DPP6: variants seen among roughly 807,000 people sequenced by gnomAD.
DPP6 encodes dipeptidyl peptidase like 6, also known as A-type potassium channel modulatory protein DPP6.
A neutral mutation model predicts 122.6 loss-of-function variants in DPP6; 69 were observed. The ratio of observed to expected loss-of-function variants is 0.56; its 90% confidence interval spans 0.46 to 0.69. The LOEUF (loss-of-function observed/expected upper bound fraction) is 0.69, where lower values mean the gene tolerates loss of function less well. Ranked by LOEUF, DPP6 falls within the 30% of genes least tolerant of loss-of-function variation. The probability of loss-of-function intolerance (pLI) is 0.00; values close to 1 mark genes in which losing one functional copy is unlikely to be tolerated. For synonymous variants in DPP6, 418 were observed against 433.1 expected (o/e 0.97, Z 0.43); for missense variants, 928 against 1,116.9 (o/e 0.83, Z 2.41).
At chr7:154,449,734 G>A (rs778241927) in intron 2 of DPP6, among the ~76,000 whole-genome samples, 4 of 151,992 alleles carry the variant, frequency 2.6e-5, no homozygotes, top group Middle Eastern at 3.2e-3. Flanking sequence ...GTGGCGGGGC[G>A]CGGTGGCTCA....
In DPP6 at chr7:153,989,545, T is replaced by A. The variant is rs147358250; in HGVS notation, c.51+101811T>A. ...TGCCAAGGTATGCCAGAAGCCGGAC[T>A]CCAGCTTCCTTGCCAACGTGTGCGG... On this transcript the variant is annotated intron_variant, in intron 1 of 25. Coordinates refer to the DPP6 transcript ENST00000404039. 1.7e-3 allele frequency among the ~76,000 whole-genome samples: 255 copies of A among 151,884 alleles called. 1 individual carries two copies. Among genetic ancestry groups the A allele is most frequent in the African/African-American group, 5.4e-3 (226 of 41,470 alleles).
chr7:154,727,687 T>C, intron 7 of DPP6, 80 bp from the exon 8 acceptor site: 1 of 1,476,512 alleles, frequency 6.8e-7, no homozygotes, highest in Non-Finnish European at 9.0e-7. Flanking sequence ...ACCCGGTTGA[T>C]GATTTCAGAT....
chr7:154,036,659 A>G (rs1182975868), intron 1 of DPP6, among the ~76,000 whole-genome samples: 1 of 151,790 alleles, frequency 6.6e-6, no homozygotes, highest in Non-Finnish European at 1.5e-5. Flanking sequence ...GGAAATGGGC[A>G]GCAGATGGAC....
chr7:153,768,912 T>C, the DPP6 span, among the ~76,000 whole-genome samples: 1 of 152,170 alleles, frequency 6.6e-6, no homozygotes, highest in African/African-American at 2.4e-5. Flanking sequence ...AGGTTAATTC[T>C]AACACCAAAC....
At position 154,760,641 on chromosome 7, in the gene DPP6, G is replaced by C. The variant is rs1457619197; in HGVS notation, c.884-8776G>C. On this transcript the variant is annotated intron_variant, in intron 8 of 25. Transcript: ENST00000377770. The surrounding 1 kb of genome is among the most constrained non-coding windows in gnomAD (Gnocchi z 4.5). ...TGGATGACCCAGTCGATTAACAAAT[G>C]AGTGAGAAACGAGAACATCCTTGCC... Among the ~76,000 whole-genome samples, 1 of 152,128 alleles carries C rather than the reference G, an allele frequency of 6.6e-6. No individual in the cohort carries two copies. The highest frequency in any genetic ancestry group is 1.5e-5 in the Non-Finnish European group (1 of 68,032).
chr7:154,123,520 C>G (rs1807647698), intron 1 of DPP6, among the ~76,000 whole-genome samples: 1 of 152,106 alleles, frequency 6.6e-6, no homozygotes, highest in Non-Finnish European at 1.5e-5. Context: ...AGATCTAATT[C>G]TATTCTTCCT....
intron 1 of DPP6, among the ~76,000 whole-genome samples, chr7:153,912,856 C>G (rs1308400305): frequency 6.6e-6 from 1 of 152,206 alleles, no homozygotes; most frequent in Non-Finnish European, 1.5e-5. Context: ...CATTAACACT[C>G]TAATCAGCCC....
At chr7:153,807,990 G>A in the DPP6 span, among the ~76,000 whole-genome samples, 16 of 151,974 alleles carry the variant, frequency 1.1e-4, no homozygotes, top group African/African-American at 3.1e-4. Flanking sequence ...GTGGCAGCCT[G>A]CAGGAAGCAG....
At chr7:154,179,274 C>T (rs1797960404) in intron 1 of DPP6, among the ~76,000 whole-genome samples, 1 of 152,122 alleles carries the variant, frequency 6.6e-6, no homozygotes, top group African/African-American at 2.4e-5. Flanking sequence ...ATATTTCTTG[C>T]ACACCTGAAT....
At chr7:154,415,067 T>A (rs533356283) in intron 1 of DPP6, among the ~76,000 whole-genome samples, 220 of 152,284 alleles carry the variant, frequency 1.4e-3, no homozygotes, top group Non-Finnish European at 2.6e-3. Flanking sequence ...CTGGCCCATC[T>A]CTGCATGCTT....
At chr7:154,507,084 T>A (rs774672200) in intron 3 of DPP6, among the ~76,000 whole-genome samples, 3 of 152,164 alleles carry the variant, frequency 2.0e-5, no homozygotes, top group Non-Finnish European at 4.4e-5. Flanking sequence ...TCCTGAGGCA[T>A]TTTTTCTTTG....
chr7:154,781,003 A>G (rs921407565), intron 10 of DPP6, among the ~76,000 whole-genome samples: 1 of 151,972 alleles, frequency 6.6e-6, no homozygotes, highest in Non-Finnish European at 1.5e-5. Context: ...GAGTGAATGG[A>G]TGGATGATGG....
At chr7:154,568,738 G>A (rs976159787) in intron 5 of DPP6, among the ~76,000 whole-genome samples, 3 of 152,266 alleles carry the variant, frequency 2.0e-5, no homozygotes, top group African/African-American at 7.2e-5. Flanking sequence ...TTCTCACTGG[G>A]CAGCATCTGT....
At chr7:153,884,471 G>A (rs1000036959), upstream of DPP6, among the ~76,000 whole-genome samples, 16 of 152,234 alleles carry the variant, frequency 1.1e-4, no homozygotes, top group Admixed American at 6.5e-4. Context: ...ACAGTATGGC[G>A]ATTCCTCAGG....
intron 6 of DPP6, among the ~76,000 whole-genome samples, chr7:154,666,911 T>C (rs776735884): frequency 3.3e-5 from 5 of 152,200 alleles, no homozygotes; most frequent in Non-Finnish European, 7.3e-5. Flanking sequence ...TTGTCAGATG[T>C]CTCTCTGAAA....
the DPP6 span, among the ~76,000 whole-genome samples, chr7:153,854,105 CCTT>C: frequency 1.8e-3 from 263 of 148,174 alleles, no homozygotes; most frequent in African/African-American, 6.1e-3. Flanking sequence ...AATAGGGAAT[CCTT>C]TCCCCATTGC....
chr7:153,854,161 T>C, the DPP6 span, among the ~76,000 whole-genome samples: 2 of 150,460 alleles, frequency 1.3e-5, no homozygotes, highest in African/African-American at 2.5e-5. Flanking sequence ...GTTGTAGATA[T>C]GCGGCATTAT....
chr7:153,988,290 CG>C (rs2129040884), intron 1 of DPP6, among the ~76,000 whole-genome samples: 1 of 152,012 alleles, frequency 6.6e-6, no homozygotes, highest in Admixed American at 6.5e-5. Flanking sequence ...CGCGGAGCTC[CG>C]GGGGTCTGAA....
At chr7:153,992,635 A>T (rs1040660866) in intron 1 of DPP6, among the ~76,000 whole-genome samples, 3 of 152,222 alleles carry the variant, frequency 2.0e-5, no homozygotes, top group Non-Finnish European at 2.9e-5. Flanking sequence ...AGGCCTAATC[A>T]TGTCAATTCC....
Sources: gnomAD v4.1 joint callset for allele counts (sites outside exome capture counted in the v4.1 genomes callset) on GRCh38, gnomAD v4.1.1 for gene constraint, Gnocchi (gnomAD v3.1) non-coding constraint, MANE v1.5 for transcripts, NCBI Gene and HGNC (gene_info 2026-07-23, HGNC 2026-07-21) for gene names.